The following SMYD3 variants were observed in gnomAD, a reference collection of about 807,000 sequenced individuals.
SMYD3 encodes SET and MYND domain containing 3.
In SMYD3, 36 loss-of-function variants were observed where a neutral mutation model predicts 57.7. The observed-to-expected ratio is 0.62, with a 90% CI of 0.48 to 0.82. The LOEUF is 0.82. SMYD3 is among the 40% of genes least tolerant of loss of function. The pLI is 0.00. For synonymous variants in SMYD3, 211 were observed against 195.0 expected, an observed-to-expected ratio of 1.08 and a Z score of -0.68; for missense variants, 515 against 538.8, an observed-to-expected ratio of 0.96 and a Z score of 0.44.
chr1:246,475,509 G>A (rs1169011306), intron 1 of SMYD3, among the ~76,000 whole-genome samples: 1 of 151,920 alleles, frequency 6.6e-6, no homozygotes, highest in Non-Finnish European at 1.5e-5. Flanking sequence ...AGCCGGGCAT[G>A]ATGGCGCGTG....
chr1:246,250,276 G>T (rs2148497636), intron 5 of SMYD3, among the ~76,000 whole-genome samples: 1 of 152,238 alleles, frequency 6.6e-6, no homozygotes, highest in South Asian at 2.1e-4. Flanking sequence ...ATTGTTGCTT[G>T]ACAAACTCAG....
intron 7 of SMYD3, 63 bp from the exon 8 acceptor site, chr1:245,915,703 GT>G: frequency 9.3e-7 from 1 of 1,070,100 alleles, no homozygotes; most frequent in Non-Finnish European, 1.4e-6. Flanking sequence ...TTAACAAATG[GT>G]TATTATTATT....
chr1:246,420,197 A>C (rs1006506919), intron 1 of SMYD3, among the ~76,000 whole-genome samples: 4 of 103,832 alleles, frequency 3.9e-5, no homozygotes, highest in Non-Finnish European at 7.6e-5. Context: ...AGACTGTCTC[A>C]AAAAAAAAAA....
At chr1:245,897,248 G>A (rs958648122) in intron 8 of SMYD3, among the ~76,000 whole-genome samples, 1 of 152,224 alleles carries the variant, frequency 6.6e-6, no homozygotes, top group Non-Finnish European at 1.5e-5. Flanking sequence ...TGACTTAAGG[G>A]AGCTCTAAGT....
chr1:245,903,368 C>T (rs117310786), intron 8 of SMYD3, among the ~76,000 whole-genome samples: 17 of 152,014 alleles, frequency 1.1e-4, no homozygotes, highest in East Asian at 5.8e-4. Flanking sequence ...ATTCAAATAC[C>T]GAAATTTCCA....
intron 1 of SMYD3, among the ~76,000 whole-genome samples, chr1:246,403,427 G>T (rs1225393502): frequency 2.0e-5 from 3 of 152,174 alleles, no homozygotes; most frequent in Non-Finnish European, 4.4e-5. Flanking sequence ...GAGCCCAGGA[G>T]TTAAATCAGA....
chr1:246,365,699 T>C (rs1414544572), intron 1 of SMYD3, among the ~76,000 whole-genome samples: 2 of 151,932 alleles, frequency 1.3e-5, no homozygotes. Flanking sequence ...CCTCAAAATA[T>C]GACTGGGTGG....
At chr1:246,083,177 T>C (rs2060667492) in intron 5 of SMYD3, among the ~76,000 whole-genome samples, 1 of 151,682 alleles carries the variant, frequency 6.6e-6, no homozygotes, top group Non-Finnish European at 1.5e-5. Context: ...GAGGAAGGCA[T>C]CTGTCTCCTG....
intron 5 of SMYD3, among the ~76,000 whole-genome samples, chr1:246,075,910 C>A (rs2060537569): frequency 2.6e-5 from 3 of 116,146 alleles, no homozygotes; most frequent in African/African-American, 6.8e-5. Flanking sequence ...CTAGAGAAAC[C>A]ATTGAAAAAG....
intron 5 of SMYD3, among the ~76,000 whole-genome samples, chr1:246,300,100 T>G (rs535056537): frequency 1.3e-5 from 2 of 152,114 alleles, no homozygotes; most frequent in African/African-American, 4.8e-5. Flanking sequence ...ATACGTGGTA[T>G]GCATGTAGCT....
intron 5 of SMYD3, among the ~76,000 whole-genome samples, chr1:246,093,262 G>A (rs1265810795): frequency 6.6e-6 from 1 of 152,154 alleles, no homozygotes; most frequent in Non-Finnish European, 1.5e-5. Context: ...AATCTCACAG[G>A]TGGGTATGTA....
intron 5 of SMYD3, among the ~76,000 whole-genome samples, chr1:246,144,357 T>A (rs2061810276): frequency 6.6e-6 from 1 of 152,256 alleles, no homozygotes. Context: ...TTTGCAATAA[T>A]GTCAGTACAA....
At chr1:245,918,211 C>T (rs1211348271) in intron 7 of SMYD3, among the ~76,000 whole-genome samples, 1 of 152,230 alleles carries the variant, frequency 6.6e-6, no homozygotes, top group African/African-American at 2.4e-5. Flanking sequence ...GAGATACAGA[C>T]AATGACGTTA....
intron 6 of SMYD3, 55 bp downstream of exon 6, chr1:245,929,815 A>G: frequency 1.4e-6 from 2 of 1,416,242 alleles, no homozygotes; most frequent in Non-Finnish European, 2.0e-6. Flanking sequence ...AGGGCTGGGG[A>G]TTTGGGTGGG....
intron 5 of SMYD3, among the ~76,000 whole-genome samples, chr1:246,023,168 A>G (rs897239103): frequency 2.0e-5 from 3 of 152,212 alleles, no homozygotes; most frequent in African/African-American, 4.8e-5. Flanking sequence ...AGAACAGCTA[A>G]GAGACACAAG....
intron 10 of SMYD3, among the ~76,000 whole-genome samples, chr1:245,814,946 C>T (rs1401393470): frequency 6.6e-6 from 1 of 152,044 alleles, no homozygotes; most frequent in African/African-American, 2.4e-5. Context: ...CCTCACAAAA[C>T]ACACAAAACA....
intron 1 of SMYD3, among the ~76,000 whole-genome samples, chr1:246,358,188 T>C (rs1558421935): frequency 6.6e-6 from 1 of 152,084 alleles, no homozygotes; most frequent in African/African-American, 2.4e-5. Context: ...AAACAGACTT[T>C]AAAGCAAAAG....
chr1:246,405,683 C>T (rs553754896), intron 1 of SMYD3, among the ~76,000 whole-genome samples: 19 of 152,074 alleles, frequency 1.2e-4, no homozygotes, highest in Admixed American at 7.2e-4. Flanking sequence ...CCGAGGCGGG[C>T]GGATCACGAG....
intron 5 of SMYD3, among the ~76,000 whole-genome samples, chr1:245,994,085 G>A (rs551919432): frequency 3.5e-4 from 53 of 152,244 alleles, no homozygotes; most frequent in African/African-American, 1.0e-3. Context: ...GTCCATCATC[G>A]CTCTCTCAAC....
Sources: gnomAD v4.1 joint callset for allele counts (sites outside exome capture counted in the v4.1 genomes callset) on GRCh38, gnomAD v4.1.1 for gene constraint, MANE v1.5 for transcripts, NCBI Gene and HGNC (gene_info 2026-07-23, HGNC 2026-07-21) for gene names.